The following TMIE variants were observed in gnomAD, a reference collection of about 807,000 sequenced individuals.
TMIE encodes transmembrane inner ear expressed protein.
A neutral mutation model predicts 16.8 loss-of-function variants in TMIE; 14 were observed. The ratio of observed to expected loss-of-function variants is 0.83; its 90% confidence interval spans 0.55 to 1.30. TMIE has a LOEUF of 1.30. Ranked by LOEUF, TMIE falls within the 50% of genes most tolerant of loss-of-function variation. TMIE has a pLI of 0.00. For synonymous variants in TMIE, 75 were observed against 87.2 expected (o/e 0.86, Z 0.78); for missense variants, 204 against 205.9 (o/e 0.99, Z 0.06).
Position 46,710,097 on chromosome 3 carries a change from C to T in TMIE, c.*409C>T, listed in dbSNP as rs1700602916. Reference sequence around the variant, plus strand: ...CACGAAATGGCTGAAGTGCATGGGTCAGGGTGTGAGGCCACACCCAGAGTA... The same window carrying T: ...CACGAAATGGCTGAAGTGCATGGGTTAGGGTGTGAGGCCACACCCAGAGTA... On this transcript the variant is annotated 3_prime_UTR_variant, in exon 4 of 4. Coordinates refer to ENST00000643606, the MANE Select transcript of TMIE (RefSeq NM_147196.3). 2 of 326,086 alleles carry T rather than the reference C, an allele frequency of 6.1e-6. No homozygotes were observed. The highest frequency in any genetic ancestry group is 5.4e-5 in the South Asian group (2 of 37,254). 20.2% of individuals were successfully genotyped at this position (326,086 alleles called of 1,614,324 possible).
In TMIE at chr3:46,701,447, C is replaced by T. The variant is rs531916976; in HGVS notation, c.-41C>T. ...CAGGGGCAGTGACCGGCGGCCGGCCCGTTCGTCCCTGGGCTCCGCAAGCGG... is the reference window on the plus strand; with the variant it reads ...CAGGGGCAGTGACCGGCGGCCGGCCTGTTCGTCCCTGGGCTCCGCAAGCGG... On this transcript the variant is annotated 5_prime_UTR_variant, in exon 1 of 4. Coordinates refer to ENST00000643606, the MANE Select transcript of TMIE (RefSeq NM_147196.3). The surrounding 1 kb of genome is among the most constrained non-coding windows in gnomAD (Gnocchi z 4.3). The T allele has an allele frequency of 2.8e-6, 4 of 1,414,510 alleles. No homozygotes were observed. The highest frequency in any genetic ancestry group is 5.7e-5 in the Admixed American group (2 of 35,154). 87.6% of individuals were successfully genotyped at this position (1,414,510 alleles called of 1,614,324 possible).
chr3:46,709,583 T>TAAG lies in TMIE; in HGVS notation c.391_393dup (p.Lys131dup), dbSNP rs10578999. ...TCTCTTCCCCCTGCCCCACAGAGGATAAGAAGAAGAAGAAGAAGAAGAAGA... is the reference window on the plus strand; with the variant it reads ...TCTCTTCCCCCTGCCCCACAGAGGATAAGAAGAAGAAGAAGAAGAAGAAGAAGA... On this transcript the variant is annotated inframe_insertion, in exon 4 of 4. Transcript: ENST00000643606. The TAAG allele has an allele frequency of 3.1e-3, 4,859 of 1,552,578 alleles. 26 individuals are homozygous for TAAG. The highest frequency in any genetic ancestry group is 0.031 in the African/African-American group (2,232 of 72,572).
rs908704525 is a variant in TMIE, at chr3:46,701,536, G to A, written c.49G>A (p.Ala17Thr). 3.8e-5 allele frequency: 50 copies of A among 1,300,572 alleles called. No individual in the cohort carries two copies. Among genetic ancestry groups the A allele is most frequent in the Non-Finnish European group, 4.6e-5 (47 of 1,027,472 alleles). The allele number at this position is 1,300,572 out of a possible 1,614,324, so 80.6% of individuals were successfully genotyped here. ...TCCCCTCTGCGTGCTGGGCGGCGCC[G>A]CACTCGGGGTGTGCCTCGCGGGGGT... is the stretch of plus-strand genomic sequence containing the variant. The part of the protein sequence containing the change: ...AGPLCVLGGA[A>T]LGVCLAGVAG... Residue 17 changes from alanine (A) to threonine (T), a missense_variant, in exon 1 of 4, where the codon GCA (alanine) becomes ACA (threonine). Coordinates refer to ENST00000643606, the MANE Select transcript of TMIE (RefSeq NM_147196.3). This position sits in a 1 kb window ranked among gnomAD's most constrained non-coding sequence, Gnocchi z 4.3.
rs1355293126 is a variant in TMIE at position 46,705,920 on chromosome 3, T to C, written c.211+13T>C. The C allele has an allele frequency of 5.6e-6, 9 of 1,611,292 alleles. No individual in the cohort carries two copies. In the East Asian group the frequency reaches 2.0e-4, roughly 36 times the overall value. ...GTGTTGTCCATCAGTGAGTAGCTGT[T>C]CCCTTCCCTCTCCACCACACTGCAG... On this transcript the variant is annotated intron_variant, in intron 2 of 3. Transcript: ENST00000643606.
chr3:46,709,781 C>T lies in TMIE; in HGVS notation c.*93C>T. 6.3e-7 allele frequency: 1 copy of T among 1,590,558 alleles called. No individual in the cohort carries two copies. The highest frequency in any genetic ancestry group is 8.5e-7 in the Non-Finnish European group (1 of 1,169,722). ...GGACTCTGAGCTCATTTGGGGACCA[C>T]AGAGGCTGTGGTCAGAGAGGGAAGC... On this transcript the variant is annotated 3_prime_UTR_variant, in exon 4 of 4. Coordinates refer to ENST00000643606, the MANE Select transcript of TMIE (RefSeq NM_147196.3).
At chr3:46,699,665 C>A (rs1233489400), upstream of TMIE, among the ~76,000 whole-genome samples, 2 of 152,118 alleles carry the variant, frequency 1.3e-5, no homozygotes, top group Non-Finnish European at 2.9e-5. Flanking sequence ...TCAGGGAACA[C>A]CGGGGGACAC....
rs1700600091 is a variant in TMIE at position 46,709,939 on chromosome 3, T to C, written c.*251T>C. On this transcript the variant is annotated 3_prime_UTR_variant, in exon 4 of 4. Transcript: ENST00000643606. The stretch of plus-strand genomic sequence containing the variant: ...GGGTACTGTCTCGGCAGAGGTGGTC[T>C]GGTGCCACCGTCCCTCTGCAGATAC... 6.4e-6 allele frequency: 4 copies of C among 621,292 alleles called. No individual in the cohort carries two copies. In the South Asian group the frequency reaches 7.7e-5, roughly 12 times the overall value. 38.5% of individuals were successfully genotyped at this position (621,292 alleles called of 1,614,324 possible). A position where few individuals can be genotyped will look rare whatever the true frequency, so the allele number is the denominator to read the frequency against.
chr3:46,701,473 C>A lies in TMIE; in HGVS notation c.-15C>A. On this transcript the variant is annotated 5_prime_UTR_variant, in exon 1 of 4. Transcript: ENST00000643606. This position sits in a 1 kb window ranked among gnomAD's most constrained non-coding sequence, Gnocchi z 4.3. ...GTTCGTCCCTGGGCTCCGCAAGCGGCGCGGTGGCACGAAGATGGCGGGGTG... is the reference window on the plus strand; with the variant it reads ...GTTCGTCCCTGGGCTCCGCAAGCGGAGCGGTGGCACGAAGATGGCGGGGTG... The A allele has an allele frequency of 7.3e-7, 1 of 1,365,144 alleles. No homozygotes were observed. 84.6% of individuals were successfully genotyped at this position (1,365,144 alleles called of 1,614,324 possible).
intron 1 of TMIE, among the ~76,000 whole-genome samples, chr3:46,695,746 G>A (rs1700406481): frequency 6.6e-6 from 1 of 152,198 alleles, no homozygotes; most frequent in South Asian, 2.1e-4. Context: ...GGCTCGAGCA[G>A]GAAGGGAAGG....
chr3:46,701,354 C>T (rs1012896349), upstream of TMIE: 3 of 646,648 alleles, frequency 4.6e-6, no homozygotes, highest in Non-Finnish European at 7.2e-6. The surrounding 1 kb of genome is among the most constrained non-coding windows in gnomAD (Gnocchi z 4.3). Context: ...AACCTGACAC[C>T]GAGGATGAAT....
intron 1 of TMIE, among the ~76,000 whole-genome samples, chr3:46,695,693 T>G (rs1008995871): frequency 6.6e-6 from 1 of 152,192 alleles, no homozygotes; most frequent in African/African-American, 2.4e-5. Context: ...GGGCCTCACT[T>G]TCATCATCTG....
In TMIE at chr3:46,709,863, T is replaced by C. The variant is rs1421379382; in HGVS notation, c.*175T>C. On this transcript the variant is annotated 3_prime_UTR_variant, in exon 4 of 4. Coordinates refer to ENST00000643606, the MANE Select transcript of TMIE (RefSeq NM_147196.3). The stretch of plus-strand genomic sequence containing the variant: ...CAGGGGCAGGAACCAGACAATCTCG[T>C]AGGTGTCCTGCCCCCCAGCCTAGGC... The C allele has an allele frequency of 1.5e-6, 2 of 1,338,370 alleles. No homozygotes were observed. The highest frequency in any genetic ancestry group is 1.5e-5 in the African/African-American group (1 of 68,266). The allele number at this position is 1,338,370 out of a possible 1,614,324, so 82.9% of individuals were successfully genotyped here.
At chr3:46,704,839 C>G (rs1483091455) in intron 1 of TMIE, among the ~76,000 whole-genome samples, 2 of 150,530 alleles carry the variant, frequency 1.3e-5, no homozygotes, top group African/African-American at 4.9e-5. Context: ...GACCATGTCC[C>G]CTAGACACCC....
intron 1 of TMIE, among the ~76,000 whole-genome samples, chr3:46,703,827 G>A (rs1700508016): frequency 6.6e-6 from 1 of 152,130 alleles, no homozygotes; most frequent in East Asian, 1.9e-4. Context: ...ACGGACCTGG[G>A]GGAAGAAGGG....
At chr3:46,709,420 G>T in intron 3 of TMIE, 145 bp downstream of exon 3, 1 of 1,601,112 alleles carries the variant, frequency 6.2e-7, no homozygotes, top group African/African-American at 1.3e-5. Context: ...ACAGAAATTG[G>T]TTGGCATGAG....
chr3:46,705,836 A>C lies in TMIE; in HGVS notation c.140A>C (p.Glu47Ala). The change falls in exon 2 of 4, where the codon GAG (glutamate) becomes GCG (alanine). Residue 47 changes from glutamate (E) to alanine (A), a missense_variant. Physicochemically the swap from Glu to Ala is moderately radical, Grantham distance 107. Transcript: ENST00000643606. ...CCCAAGCCGCCTCCGCTGACCAAGG[A>C]GACAGTGGTGTTCTGGGACATGCGC... The part of the protein sequence containing the change: ...PKPKPPPLTK[E>A]TVVFWDMRLW... 2 of 1,614,102 alleles carry C rather than the reference A, an allele frequency of 1.2e-6. No individual in the cohort carries two copies. Among genetic ancestry groups the C allele is most frequent in the Non-Finnish European group, 1.7e-6 (2 of 1,180,032 alleles).
At chr3:46,707,426 G>A (rs1003498737) in intron 2 of TMIE, among the ~76,000 whole-genome samples, 1 of 152,210 alleles carries the variant, frequency 6.6e-6, no homozygotes, top group African/African-American at 2.4e-5. Context: ...GGCAGCACTT[G>A]TTACCTTCCA....
At chr3:46,708,847 T>G (rs1428792727) in intron 2 of TMIE, among the ~76,000 whole-genome samples, 1 of 152,200 alleles carries the variant, frequency 6.6e-6, no homozygotes, top group Non-Finnish European at 1.5e-5. Context: ...CTCAGTCTAG[T>G]CAGAAAGACC....
upstream of TMIE, among the ~76,000 whole-genome samples, chr3:46,696,575 T>C (rs957300861): frequency 6.6e-6 from 1 of 152,006 alleles, no homozygotes; most frequent in African/African-American, 2.4e-5. Context: ...GCTGAGTCCC[T>C]GGATCCTAGC....
Sources: gnomAD v4.1 joint callset for allele counts (sites outside exome capture counted in the v4.1 genomes callset) on GRCh38, gnomAD v4.1.1 for gene constraint, Gnocchi (gnomAD v3.1) non-coding constraint, MANE v1.5 for transcripts, NCBI Gene and HGNC (gene_info 2026-07-23, HGNC 2026-07-21) for gene names.